The following SAMMSON variants were observed in gnomAD, a reference collection of about 807,000 sequenced individuals.
SAMMSON encodes the protein long intergenic non-protein coding RNA 1212.
chr3:70,102,070 A>T (rs1265846570), intron 4 of SAMMSON, among the ~76,000 whole-genome samples: 1 of 152,160 alleles, frequency 6.6e-6, no homozygotes, highest in African/African-American at 2.4e-5. Flanking sequence ...TTCATAGTTA[A>T]CATATAGCTA....
chr3:70,096,355 G>A (rs2067322781), intron 4 of SAMMSON, among the ~76,000 whole-genome samples: 1 of 152,166 alleles, frequency 6.6e-6, no homozygotes, highest in Non-Finnish European at 1.5e-5. Flanking sequence ...ACCAGCCTGG[G>A]CAACATACTG....
At chr3:70,267,985 C>T (rs1370308537) in intron 6 of SAMMSON, among the ~76,000 whole-genome samples, 2 of 151,218 alleles carry the variant, frequency 1.3e-5, no homozygotes, top group Non-Finnish European at 2.9e-5. Flanking sequence ...CCTTTCGCCT[C>T]CCCTTTCACC....
chr3:70,229,899 A>G (rs1701542400), intron 4 of SAMMSON, among the ~76,000 whole-genome samples: 1 of 152,216 alleles, frequency 6.6e-6, no homozygotes, highest in Non-Finnish European at 1.5e-5. Flanking sequence ...TACAACTTAT[A>G]TGTGAATTAA....
intron 4 of SAMMSON, among the ~76,000 whole-genome samples, chr3:70,080,854 T>C (rs1033954529): frequency 3.3e-5 from 5 of 152,190 alleles, no homozygotes; most frequent in African/African-American, 1.2e-4. Context: ...ATCCAGCTGA[T>C]AACCTTTGAA....
chr3:70,060,383 A>G (rs141247060), intron 3 of SAMMSON, among the ~76,000 whole-genome samples: 229 of 152,224 alleles, frequency 1.5e-3, no homozygotes, highest in South Asian at 4.1e-3. Context: ...TCCCAGGGGA[A>G]GTGCTATTTT....
chr3:70,277,887 T>C (rs1384652635), intron 6 of SAMMSON, among the ~76,000 whole-genome samples: 1 of 152,184 alleles, frequency 6.6e-6, no homozygotes, highest in Non-Finnish European at 1.5e-5. Context: ...TCAGTCTTAA[T>C]CAGAGGAAGA....
chr3:70,065,041 G>T (rs1419434219), intron 3 of SAMMSON, among the ~76,000 whole-genome samples: 2 of 152,080 alleles, frequency 1.3e-5, no homozygotes, highest in Admixed American at 6.6e-5. Flanking sequence ...GTTTACATTG[G>T]TTGGAAACTA....
intron 3 of SAMMSON, among the ~76,000 whole-genome samples, chr3:70,044,401 CTA>C (rs1559779507): frequency 1.3e-5 from 2 of 151,948 alleles, no homozygotes; most frequent in Non-Finnish European, 2.9e-5. Context: ...TCCCAAGACA[CTA>C]TGCAATGTGC....
At chr3:70,093,410 T>C (rs1413953932) in intron 4 of SAMMSON, among the ~76,000 whole-genome samples, 2 of 152,266 alleles carry the variant, frequency 1.3e-5, no homozygotes, top group East Asian at 1.9e-4. Context: ...GATGATACTA[T>C]CTTAGATTGT....
intron 4 of SAMMSON, chr3:70,183,945 A>T (rs1701073103): frequency 6.6e-6 from 1 of 152,214 alleles, no homozygotes; most frequent in African/African-American, 2.4e-5. Context: ...CCCGTGGCAG[A>T]ATCACAATCT....
chr3:70,304,417 A>G lies in SAMMSON; in HGVS notation n.739+13174A>G, dbSNP rs147810282. On this transcript the variant is annotated intron_variant and non_coding_transcript_variant, in intron 7 of 9. Coordinates refer to ENST00000642114, the Ensembl canonical transcript of SAMMSON. ...TTCTATTGCCCAGTTGACAGTTTCC[A>G]TGGGGATACCTCAGAGGCATTTCAC... 1.4e-3 allele frequency among the ~76,000 whole-genome samples: 206 copies of G among 152,314 alleles called. 1 individual carries two copies. Among genetic ancestry groups the G allele is most frequent in the African/African-American group, 4.8e-3 (198 of 41,570 alleles).
At chr3:70,372,838 G>T (rs1039971289) in intron 9 of SAMMSON, among the ~76,000 whole-genome samples, 1 of 152,094 alleles carries the variant, frequency 6.6e-6, no homozygotes, top group African/African-American at 2.4e-5. Context: ...TGCTCTAGCT[G>T]TGTATTTTAT....
intron 7 of SAMMSON, among the ~76,000 whole-genome samples, chr3:70,322,978 A>C (rs1435412755): frequency 6.6e-6 from 1 of 152,116 alleles, no homozygotes; most frequent in Admixed American, 6.6e-5. Context: ...TCGTGAGAAA[A>C]TTTTAGGGAG....
chr3:70,400,912 A>G (rs1448423579), intron 2 of SAMMSON, among the ~76,000 whole-genome samples: 3 of 152,180 alleles, frequency 2.0e-5, no homozygotes, highest in Non-Finnish European at 2.9e-5. Context: ...AGCCTGGGTG[A>G]CAGAGCAAGA....
intron 2 of SAMMSON, among the ~76,000 whole-genome samples, chr3:70,404,731 G>A (rs1037344048): frequency 2.6e-5 from 4 of 152,106 alleles, no homozygotes; most frequent in Non-Finnish European, 4.4e-5. Flanking sequence ...AAACAAAGAA[G>A]CAAGCCCTAC....
chr3:70,198,873 A>C (rs1701207520), intron 4 of SAMMSON, among the ~76,000 whole-genome samples: 1 of 152,164 alleles, frequency 6.6e-6, no homozygotes, highest in Non-Finnish European at 1.5e-5. Context: ...AACCTCCCAC[A>C]AAAATGCAAG....
intron 4 of SAMMSON, among the ~76,000 whole-genome samples, chr3:70,117,344 T>C (rs2067415845): frequency 6.6e-6 from 1 of 152,222 alleles, no homozygotes; most frequent in African/African-American, 2.4e-5. Flanking sequence ...TAGCTGAAAA[T>C]GTGATCTTCC....
At chr3:70,115,446 A>G (rs551991946) in intron 4 of SAMMSON, among the ~76,000 whole-genome samples, 1 of 152,274 alleles carries the variant, frequency 6.6e-6, no homozygotes, top group South Asian at 2.1e-4. Flanking sequence ...CACGGAAAAG[A>G]TCATTTCCCC....
At chr3:70,277,577 G>T (rs1401422611) in intron 6 of SAMMSON, among the ~76,000 whole-genome samples, 2 of 152,134 alleles carry the variant, frequency 1.3e-5, no homozygotes, top group South Asian at 2.1e-4. Context: ...TGGAAAATTG[G>T]CCTAATGCAA....
Sources: allele counts gnomAD v4.1 joint callset (sites outside exome capture counted in the v4.1 genomes callset), GRCh38; gene constraint gnomAD v4.1.1; transcripts MANE v1.5; gene names NCBI Gene and HGNC (gene_info 2026-07-23, HGNC 2026-07-21).